Variants in CENPK observed in about 807,000 individuals in gnomAD.
The protein encoded by CENPK is centromere protein K.
A neutral mutation model predicts 40.9 loss-of-function variants in CENPK; 46 were observed. That is an observed-to-expected ratio of 1.13 (90% CI 0.89 to 1.44). CENPK has a LOEUF of 1.44. Ranked by LOEUF, CENPK falls within the 40% of genes most tolerant of loss-of-function variation. CENPK has a pLI of 0.00. For synonymous variants in CENPK, 107 were observed against 104.4 expected (o/e 1.02, Z -0.15); for missense variants, 288 against 303.5 (o/e 0.95, Z 0.38).
At chr5:65,548,150 T>C (rs1294104782) in intron 5 of CENPK, among the ~76,000 whole-genome samples, 2 of 152,190 alleles carry the variant, frequency 1.3e-5, no homozygotes, top group Non-Finnish European at 1.5e-5. Context: ...TTGGAGATAG[T>C]CCAAGTTTGG....
At chr5:65,512,147 A>C in the CENPK span, among the ~76,000 whole-genome samples, 3 of 152,232 alleles carry the variant, frequency 2.0e-5, no homozygotes, top group Non-Finnish European at 4.4e-5. Flanking sequence ...ATACAACTTG[A>C]ACAGATGAGG....
intron 6 of CENPK, among the ~76,000 whole-genome samples, chr5:65,538,605 G>T (rs62369008): frequency 0.074 from 11,272 of 151,750 alleles, 425 homozygotes; most frequent in East Asian, 0.096. Flanking sequence ...TTCATTCCTC[G>T]TAAGTTTTAT....
Position 65,543,148 on chromosome 5 carries a change from G to C in CENPK, c.242-300C>G, listed in dbSNP as rs992195539. Among the ~76,000 whole-genome samples, 54 of 152,300 alleles carry C rather than the reference G, an allele frequency of 3.5e-4. 1 individual carries two copies. The highest frequency in any genetic ancestry group is 1.3e-3 in the African/African-American group (54 of 41,566). ...CTGGCTAATTTTTGTGTTTTTAGTA[G>C]AGATGGGATTTCATCATGTTGGCCA... On this transcript the variant is annotated intron_variant, in intron 5 of 10. Coordinates refer to ENST00000396679, the MANE Select transcript of CENPK (RefSeq NM_022145.5).
At chr5:65,505,327 G>A in the CENPK span, among the ~76,000 whole-genome samples, 1 of 152,070 alleles carries the variant, frequency 6.6e-6, no homozygotes, top group African/African-American at 2.4e-5. Flanking sequence ...TCTTTAATGT[G>A]TTGTAGTTTC....
chr5:65,498,506 C>A, the CENPK span, among the ~76,000 whole-genome samples: 4 of 152,154 alleles, frequency 2.6e-5, no homozygotes, highest in East Asian at 7.7e-4. Context: ...AGAATCAAAT[C>A]ATATATTTTG....
At chr5:65,502,618 T>G in the CENPK span, among the ~76,000 whole-genome samples, 1 of 152,180 alleles carries the variant, frequency 6.6e-6, no homozygotes, top group East Asian at 1.9e-4. Context: ...TTGTTTGGTT[T>G]GTTTTTTTAA....
At chr5:65,524,873 CAG>C (rs879678925) in intron 9 of CENPK, among the ~76,000 whole-genome samples, 3 of 152,102 alleles carry the variant, frequency 2.0e-5, no homozygotes, top group South Asian at 4.1e-4. Context: ...TCTTTTACAG[CAG>C]AGTCAATAAC....
chr5:65,520,790 A>G (rs975436452), intron 10 of CENPK, among the ~76,000 whole-genome samples: 4 of 152,172 alleles, frequency 2.6e-5, no homozygotes, highest in Middle Eastern at 3.2e-3. Flanking sequence ...AAGGGGGTAC[A>G]CTAATTGGTA....
At chr5:65,527,707 A>G (rs1744974993) in intron 9 of CENPK, among the ~76,000 whole-genome samples, 1 of 151,928 alleles carries the variant, frequency 6.6e-6, no homozygotes, top group Non-Finnish European at 1.5e-5. Flanking sequence ...AAAGTTGTAC[A>G]TACTCATCAC....
At chr5:65,510,773 T>A in the CENPK span, among the ~76,000 whole-genome samples, 29 of 121,026 alleles carry the variant, frequency 2.4e-4, no homozygotes, top group African/African-American at 8.3e-4. Flanking sequence ...CGAAACTCCA[T>A]CTCAAAAAAA....
intron 6 of CENPK, among the ~76,000 whole-genome samples, chr5:65,536,597 G>A (rs367786167): frequency 2.1e-4 from 32 of 151,846 alleles, no homozygotes; most frequent in African/African-American, 6.3e-4. Flanking sequence ...CACTCCAACC[G>A]GGGCAACAGA....
chr5:65,542,276 T>C (rs1359555140), intron 6 of CENPK, among the ~76,000 whole-genome samples: 1 of 152,212 alleles, frequency 6.6e-6, no homozygotes, highest in Non-Finnish European at 1.5e-5. Context: ...AAAAACTAGA[T>C]ATGAGATTAA....
At chr5:65,543,878 A>G (rs540731799) in intron 5 of CENPK, among the ~76,000 whole-genome samples, 1 of 152,344 alleles carries the variant, frequency 6.6e-6, no homozygotes, top group African/African-American at 2.4e-5. Flanking sequence ...AGCTATGAAG[A>G]AAAAACAGCA....
At chr5:65,515,001 TTG>T (rs1219541725), downstream of CENPK, among the ~76,000 whole-genome samples, 4 of 152,280 alleles carry the variant, frequency 2.6e-5, no homozygotes, top group East Asian at 7.7e-4. Flanking sequence ...TGAATTTCAT[TTG>T]TTTCACTGAA....
chr5:65,529,412 A>T, intron 6 of CENPK: 1 of 446,444 alleles, frequency 2.2e-6, no homozygotes, highest in East Asian at 3.8e-5. Context: ...AGAGGTTTTG[A>T]GCAGTAAATT....
intron 6 of CENPK, among the ~76,000 whole-genome samples, chr5:65,534,889 A>C (rs951569886): frequency 6.6e-6 from 1 of 152,210 alleles, no homozygotes; most frequent in East Asian, 1.9e-4. Flanking sequence ...GAGTTAATCA[A>C]ATTATGAACT....
chr5:65,545,714 A>C (rs931977784), intron 5 of CENPK, among the ~76,000 whole-genome samples: 1 of 152,230 alleles, frequency 6.6e-6, no homozygotes, highest in African/African-American at 2.4e-5. Context: ...TCCTACAGTC[A>C]CAAGGAAATA....
At chr5:65,541,760 A>G (rs1339653605) in intron 6 of CENPK, among the ~76,000 whole-genome samples, 1 of 152,140 alleles carries the variant, frequency 6.6e-6, no homozygotes, top group African/African-American at 2.4e-5. Context: ...ACTCATTTCA[A>G]AATTCTTCCT....
At chr5:65,536,483 C>T (rs1001109609) in intron 6 of CENPK, among the ~76,000 whole-genome samples, 4 of 151,996 alleles carry the variant, frequency 2.6e-5, no homozygotes, top group Non-Finnish European at 5.9e-5. Context: ...AAAAAATTAG[C>T]CAGGCATGGT....
Sources: gnomAD v4.1 joint callset for allele counts (sites outside exome capture counted in the v4.1 genomes callset) on GRCh38, gnomAD v4.1.1 for gene constraint, MANE v1.5 for transcripts, NCBI Gene and HGNC (gene_info 2026-07-23, HGNC 2026-07-21) for gene names.